The following CDKAL1 variants were observed in gnomAD, a reference collection of about 807,000 sequenced individuals.
CDKAL1 encodes the protein threonylcarbamoyladenosine tRNA methylthiotransferase.
Under a neutral mutation model 68.2 loss-of-function variants are expected in CDKAL1, and 32 were observed. The observed-to-expected ratio is 0.47, with a 90% CI of 0.35 to 0.63. The LOEUF is 0.63. Among genes scored for constraint, CDKAL1 ranks in the 30% least tolerant of loss-of-function variants. The pLI is 0.00. For missense variants in CDKAL1, 606 were observed against 696.7 expected (o/e 0.87, Z 1.47); for synonymous variants, 234 against 244.3 (o/e 0.96, Z 0.39).
chr6:20,597,973 TA>T (rs1337201149), intron 4 of CDKAL1, among the ~76,000 whole-genome samples: 1 of 152,198 alleles, frequency 6.6e-6, no homozygotes, highest in African/African-American at 2.4e-5. Flanking sequence ...TACTGAGTGT[TA>T]AAAAAGGATG....
At chr6:20,982,355 G>A (rs1766200025) in intron 10 of CDKAL1, among the ~76,000 whole-genome samples, 1 of 152,104 alleles carries the variant, frequency 6.6e-6, no homozygotes, top group South Asian at 2.1e-4. Context: ...CACTGTGCCT[G>A]TTCTGAAGGA....
At position 20,942,806 on chromosome 6, in the gene CDKAL1, T is replaced by G. The variant is rs566820941; in HGVS notation, c.743-12613T>G. Among the ~76,000 whole-genome samples, 5 of 150,610 alleles carry G rather than the reference T, an allele frequency of 3.3e-5. No homozygotes were observed. The East Asian group carries it at 1.0e-3, about 30-fold the overall frequency. On this transcript the variant is annotated intron_variant, in intron 9 of 15. Transcript: ENST00000274695. ...CCCATCTCTACTAAAAATACAAAAT[T>G]TAGCCAGGCATGGTGGCGTGTGCCT...
chr6:20,670,199 TATA>T (rs1486669085), intron 5 of CDKAL1, among the ~76,000 whole-genome samples: 1 of 152,234 alleles, frequency 6.6e-6, no homozygotes, highest in Non-Finnish European at 1.5e-5. Context: ...CTAACACAAA[TATA>T]ATATTTATGT....
rs147013477 is a variant in CDKAL1, at chr6:21,191,590, A to G, written c.1300-6431A>G. 1.1e-3 allele frequency among the ~76,000 whole-genome samples: 171 copies of G among 152,146 alleles called. 3 individuals are homozygous for G. The highest frequency in any genetic ancestry group is 4.0e-3 in the African/African-American group (167 of 41,522). ...ATTGAGTAGTGGGAAGAGTTCAAAG[A>G]CTTCCCTTTCTTCTGCCACTGCCAC... On this transcript the variant is annotated intron_variant, in intron 13 of 15. Coordinates refer to ENST00000274695, the MANE Select transcript of CDKAL1 (RefSeq NM_017774.3).
chr6:20,829,405 T>G (rs1165792635), intron 8 of CDKAL1, among the ~76,000 whole-genome samples: 1 of 152,222 alleles, frequency 6.6e-6, no homozygotes, highest in Admixed American at 6.5e-5. Context: ...GTTCTAGTAT[T>G]TAGTTCCTAA....
intron 12 of CDKAL1, among the ~76,000 whole-genome samples, chr6:21,078,481 CT>C (rs1772198889): frequency 6.6e-6 from 1 of 152,188 alleles, no homozygotes; most frequent in Non-Finnish European, 1.5e-5. Context: ...TCACAGCTCT[CT>C]GCCGTTAGAA....
chr6:20,587,558 C>A (rs531091347), intron 4 of CDKAL1, among the ~76,000 whole-genome samples: 67 of 151,532 alleles, frequency 4.4e-4, no homozygotes, highest in Middle Eastern at 3.4e-3. Flanking sequence ...CGTAGTGAGA[C>A]CCTATCCTTA....
intron 12 of CDKAL1, among the ~76,000 whole-genome samples, chr6:21,100,178 A>T (rs2150982276): frequency 6.6e-6 from 1 of 152,094 alleles, no homozygotes; most frequent in East Asian, 1.9e-4. Flanking sequence ...AGGTTATTTT[A>T]GAAACCGTAA....
At chr6:21,203,477 C>A (rs1452273578) in intron 15 of CDKAL1, among the ~76,000 whole-genome samples, 1 of 151,356 alleles carries the variant, frequency 6.6e-6, no homozygotes, top group Non-Finnish European at 1.5e-5. Flanking sequence ...CTCAGGTGAT[C>A]CGCCCACTTC....
chr6:20,964,061 C>A (rs889860759), intron 10 of CDKAL1, among the ~76,000 whole-genome samples: 1 of 151,246 alleles, frequency 6.6e-6, no homozygotes. Context: ...AAAAAAAAAA[C>A]TCAACATCAC....
chr6:20,790,650 TC>T (rs1432684898), intron 8 of CDKAL1, among the ~76,000 whole-genome samples: 1 of 152,098 alleles, frequency 6.6e-6, no homozygotes, highest in Non-Finnish European at 1.5e-5. Flanking sequence ...ATTCGGTGGT[TC>T]CCAAGCTCTT....
At chr6:20,834,324 A>G (rs1777841236) in intron 8 of CDKAL1, among the ~76,000 whole-genome samples, 1 of 152,170 alleles carries the variant, frequency 6.6e-6, no homozygotes, top group Non-Finnish European at 1.5e-5. Flanking sequence ...CATTTTCACA[A>G]TGAACTGTTT....
intron 15 of CDKAL1, among the ~76,000 whole-genome samples, chr6:21,225,604 G>C (rs113890532): frequency 3.0e-4 from 46 of 152,242 alleles, no homozygotes; most frequent in African/African-American, 1.1e-3. Flanking sequence ...TAAGGTAGAT[G>C]GCTTTCCTTC....
chr6:20,823,169 T>C (rs567661219), intron 8 of CDKAL1, among the ~76,000 whole-genome samples: 2 of 152,300 alleles, frequency 1.3e-5, no homozygotes, highest in African/African-American at 4.8e-5. Flanking sequence ...GGTATCCATT[T>C]GTGAAATTCC....
chr6:21,091,958 C>T (rs1454485406), intron 12 of CDKAL1, among the ~76,000 whole-genome samples: 3 of 139,696 alleles, frequency 2.1e-5, no homozygotes, highest in African/African-American at 8.0e-5. Context: ...GTGATCTCGG[C>T]TCACTGCAAG....
intron 5 of CDKAL1, among the ~76,000 whole-genome samples, chr6:20,662,727 T>C (rs1769346457): frequency 6.6e-6 from 1 of 152,180 alleles, no homozygotes; most frequent in Admixed American, 6.6e-5. Flanking sequence ...ATATGTATGT[T>C]TCCTTTGCAT....
At chr6:20,847,426 A>G (rs1219112697) in intron 9 of CDKAL1, among the ~76,000 whole-genome samples, 1 of 152,194 alleles carries the variant, frequency 6.6e-6, no homozygotes, top group Non-Finnish European at 1.5e-5. Context: ...TTGTTTTTCC[A>G]TGTATCTGTC....
intron 13 of CDKAL1, among the ~76,000 whole-genome samples, chr6:21,145,807 G>T (rs1776137780): frequency 6.6e-6 from 1 of 152,134 alleles, no homozygotes; most frequent in Non-Finnish European, 1.5e-5. Context: ...GGCAGACATG[G>T]CAGTATCACT....
At position 21,108,446 on chromosome 6, in the gene CDKAL1, A is replaced by T. The variant is rs1413245212; in HGVS notation, c.1282A>T (p.Ser428Cys). Residue 428 changes from serine to cysteine, a missense_variant, in exon 13 of 16, where the codon AGT (serine) becomes TGT (cysteine). Physicochemically the swap from Ser to Cys is moderately radical, Grantham distance 112 (BLOSUM62 -1). Coordinates refer to ENST00000274695, the MANE Select transcript of CDKAL1 (RefSeq NM_017774.3). ...TCTTTCTCGGGTGTTTCATTCTTAC[A>T]GTCCATATGATCACAAGGTAAGAGA... Reference protein sequence around the residue: ...KDLSRVFHSYSPYDHKIGERQ... With the variant: ...KDLSRVFHSYCPYDHKIGERQ... 6.2e-7 allele frequency: 1 copy of T among 1,603,202 alleles called. No individual in the cohort carries two copies. Among genetic ancestry groups the T allele is most frequent in the Non-Finnish European group, 8.5e-7 (1 of 1,175,244 alleles).
Sources: allele counts gnomAD v4.1 joint callset (sites outside exome capture counted in the v4.1 genomes callset), GRCh38; gene constraint gnomAD v4.1.1; transcripts MANE v1.5; gene names NCBI Gene and HGNC (gene_info 2026-07-23, HGNC 2026-07-21).